The following LCOR variants were observed in gnomAD, a reference collection of about 807,000 sequenced individuals.
LCOR encodes ligand dependent nuclear receptor corepressor.
LCOR carries 14 observed loss-of-function variants against 64.4 expected under a neutral mutation model. The ratio of observed to expected loss-of-function variants is 0.22; its 90% CI spans 0.14 to 0.34. The LOEUF (loss-of-function observed/expected upper bound fraction) is 0.34. LCOR is among the 10% of genes least tolerant of loss of function. The pLI, the probability that LCOR is intolerant of heterozygous loss-of-function variation, is 1.00. For synonymous variants in LCOR, 643 were observed against 642.5 expected, an observed-to-expected ratio of 1.00 and a Z score of -0.01; for missense variants, 1,686 against 1,765.3, an observed-to-expected ratio of 0.96 and a Z score of 0.80.
chr10:96,842,225 T>C (rs1845554035), intron 2 of LCOR, among the ~76,000 whole-genome samples: 2 of 151,952 alleles, frequency 1.3e-5, no homozygotes, highest in African/African-American at 4.8e-5. Flanking sequence ...GAAACCCCCA[T>C]CTTTACTAAA....
intron 2 of LCOR, among the ~76,000 whole-genome samples, chr10:96,897,745 G>A (rs1846564250): frequency 6.6e-6 from 1 of 151,824 alleles, no homozygotes; most frequent in South Asian, 2.1e-4. Context: ...CGCAAAAAAA[G>A]TTTGCTGCTG....
At chr10:96,876,017 A>C (rs1301790876) in intron 2 of LCOR, among the ~76,000 whole-genome samples, 1 of 151,886 alleles carries the variant, frequency 6.6e-6, no homozygotes, top group East Asian at 1.9e-4. Context: ...AAACATTAAA[A>C]AAAAAAAAAA....
chr10:96,993,101 TGATCATGTTCCTCTTCTCTG>T lies in LCOR; in HGVS notation c.*7968_*7987del, dbSNP rs1848214841. The T allele has an allele frequency of 1.3e-5, 2 of 152,258 alleles. No homozygotes were observed. The highest frequency in any genetic ancestry group is 2.9e-5 in the Non-Finnish European group (2 of 68,058). The allele number at this position is 152,258 out of a possible 1,614,324, so 9.4% of individuals were successfully genotyped here. A position where few individuals can be genotyped will look rare whatever the true frequency, so the allele number is the denominator to read the frequency against. On this transcript the variant is annotated 3_prime_UTR_variant, in exon 8 of 8. Coordinates refer to ENST00000421806, the MANE Select transcript of LCOR (RefSeq NM_001346516.2). ...TAGATGGGATGGAACCAGTGCTTTATGATCATGTTCCTCTTCTCTGTGCCCTGTCCTTCGGCACCCCCATG... is the reference window on the plus strand; with the variant it reads ...TAGATGGGATGGAACCAGTGCTTTATTGCCCTGTCCTTCGGCACCCCCATG...
At position 96,842,863 on chromosome 10, in the gene LCOR, G is replaced by A. The variant is rs991869535; in HGVS notation, c.-330+9384G>A. Among the ~76,000 whole-genome samples, 9 of 151,928 alleles carry A rather than the reference G, an allele frequency of 5.9e-5. 1 individual carries two copies. The highest frequency in any genetic ancestry group is 1.2e-4 in the Non-Finnish European group (8 of 67,956). Reference sequence around the variant, plus strand: ...CCAGGCTGGTCTTGAACTCCTGACTGTGAGTGATCCACCCACCTTGGCCCC... The same window carrying A: ...CCAGGCTGGTCTTGAACTCCTGACTATGAGTGATCCACCCACCTTGGCCCC... On this transcript the variant is annotated intron_variant, in intron 2 of 7. Transcript: ENST00000421806.
At chr10:96,947,387 C>A (rs188703440) in intron 5 of LCOR, among the ~76,000 whole-genome samples, 353 of 152,110 alleles carry the variant, frequency 2.3e-3, no homozygotes, top group Non-Finnish European at 4.1e-3. Flanking sequence ...ATTGCCTGTT[C>A]TTAGGAGTCC....
Position 96,982,273 on chromosome 10 carries a change from T to G in LCOR, c.1813T>G (p.Ser605Ala), listed in dbSNP as rs755932624. Residue 605 changes from serine to alanine, a missense_variant, in exon 8 of 8, where the codon TCC becomes GCC. This residue lies in a region of LCOR where 1,293 missense variants were observed against 1,410.4 expected (regional missense o/e 0.92). Coordinates refer to ENST00000421806, the MANE Select transcript of LCOR (RefSeq NM_001346516.2). ...AAAGATTAAGCCGAACCTGAGCAGC[T>G]CCCCTAGGTCAGAGGAAACGACAGC... The part of the protein sequence containing the change: ...PTKIKPNLSS[S>A]PRSEETTASS... The G allele has an allele frequency of 1.0e-4, 162 of 1,614,062 alleles. No homozygotes were observed. Among genetic ancestry groups the G allele is most frequent in the Non-Finnish European group, 1.4e-4 (161 of 1,179,990 alleles).
chr10:96,862,005 C>T (rs1845895358), intron 2 of LCOR, among the ~76,000 whole-genome samples: 1 of 152,222 alleles, frequency 6.6e-6, no homozygotes, highest in East Asian at 1.9e-4. Flanking sequence ...CCATAACTCC[C>T]TCTTTGCATT....
chr10:96,836,251 A>G (rs900333334), intron 2 of LCOR, among the ~76,000 whole-genome samples: 4 of 152,212 alleles, frequency 2.6e-5, no homozygotes, highest in Admixed American at 6.5e-5. Context: ...AATTTCTTAC[A>G]TAGTGAGAAT....
chr10:96,957,501 T>C, intron 7 of LCOR: 1 of 985,398 alleles, frequency 1.0e-6, no homozygotes, highest in African/African-American at 1.7e-5. Context: ...ACATGTACTG[T>C]ATATTCTAAT....
chr10:96,920,420 A>G lies in LCOR; in HGVS notation c.-184+12673A>G, dbSNP rs895098494. 5.6e-3 allele frequency among the ~76,000 whole-genome samples: 685 copies of G among 121,638 alleles called. 5 individuals carry two copies. Among genetic ancestry groups the G allele is most frequent in the Non-Finnish European group, 6.9e-3 (414 of 60,316 alleles). 79.8% of individuals were successfully genotyped at this position (121,638 alleles called of 152,430 possible). ...TATATATGTGTATATATGTATATAT[A>G]TTCATATATATGTGTATATATGTGT... On this transcript the variant is annotated intron_variant, in intron 4 of 7. Transcript: ENST00000421806.
intron 4 of LCOR, chr10:96,915,764 T>A: frequency 1.6e-6 from 1 of 628,502 alleles, no homozygotes; most frequent in South Asian, 1.4e-5. Context: ...CTCTCCCTCC[T>A]TTGCAGGGCC....
chr10:96,930,776 AAGGGGCTTGGTGT>A (rs1847244750), intron 4 of LCOR, among the ~76,000 whole-genome samples: 1 of 152,204 alleles, frequency 6.6e-6, no homozygotes, highest in Non-Finnish European at 1.5e-5. Flanking sequence ...GGAATTAAAA[AAGGGGCTTGGTGT>A]AGGGTTAGGC....
At chr10:96,850,250 A>G (rs745789269) in intron 2 of LCOR, among the ~76,000 whole-genome samples, 2 of 152,158 alleles carry the variant, frequency 1.3e-5, no homozygotes, top group African/African-American at 2.4e-5. Context: ...TATGCTTGTC[A>G]TGAAGCGGAA....
intron 4 of LCOR, among the ~76,000 whole-genome samples, chr10:96,915,193 A>G (rs1230606213): frequency 6.6e-6 from 1 of 152,174 alleles, no homozygotes; most frequent in Non-Finnish European, 1.5e-5. Flanking sequence ...ACAATGAAGT[A>G]TTCTGTGTGC....
chr10:96,906,003 C>G (rs1433294306), intron 2 of LCOR, among the ~76,000 whole-genome samples: 1 of 152,140 alleles, frequency 6.6e-6, no homozygotes, highest in Non-Finnish European at 1.5e-5. Flanking sequence ...CATTTCTACC[C>G]CCTTACCTTC....
At chr10:96,954,976 A>G (rs1231181977) in intron 7 of LCOR, 1 of 1,613,924 alleles carries the variant, frequency 6.2e-7, no homozygotes, top group Non-Finnish European at 8.5e-7. Flanking sequence ...CCCAGCCAGT[A>G]CCGCCCAGAC....
chr10:96,956,232 T>G (rs113639100), intron 7 of LCOR: 637 of 1,027,920 alleles, frequency 6.2e-4, no homozygotes, highest in Non-Finnish European at 7.1e-4. Flanking sequence ...TGCTTTTTTG[T>G]TTTTTTTTGT....
intron 2 of LCOR, among the ~76,000 whole-genome samples, chr10:96,887,323 T>C (rs760535257): frequency 7.9e-5 from 12 of 152,104 alleles, no homozygotes; most frequent in Non-Finnish European, 1.5e-4. Flanking sequence ...ATCCCAGCAC[T>C]TTGGGAGGCC....
intron 7 of LCOR, chr10:96,956,025 C>T: frequency 1.3e-6 from 2 of 1,493,272 alleles, no homozygotes; most frequent in Non-Finnish European, 1.8e-6. Flanking sequence ...GTGACACTTG[C>T]TTCTTTGCAG....
Sources: allele counts gnomAD v4.1 joint callset (sites outside exome capture counted in the v4.1 genomes callset), GRCh38; gene constraint gnomAD v4.1.1; regional missense constraint gnomAD v4.1.1; transcripts MANE v1.5; gene names NCBI Gene and HGNC (gene_info 2026-07-23, HGNC 2026-07-21).